The following CACNA1H variants were observed in gnomAD, a reference collection of about 807,000 sequenced individuals.
CACNA1H encodes the protein calcium voltage-gated channel subunit alpha1 H.
CACNA1H carries 149 observed loss-of-function variants against 192.5 expected under a neutral mutation model. The ratio of observed to expected loss-of-function variants is 0.77; its 90% confidence interval spans 0.68 to 0.89. The LOEUF (loss-of-function observed/expected upper bound fraction) is 0.89. Among genes scored for constraint, CACNA1H ranks in the 40% least tolerant of loss-of-function variants. CACNA1H has a pLI of 0.00. For synonymous variants in CACNA1H, 2,202 were observed against 1,475.2 expected (o/e 1.49, Z -11.29); for missense variants, 4,257 against 3,423.5 (o/e 1.24, Z -6.08).
chr16:1,199,000 A>T (rs1967363543), intron 6 of CACNA1H: 2 of 474,730 alleles, frequency 4.2e-6, no homozygotes, highest in Non-Finnish European at 7.3e-6. Context: ...GGCTCCGCCC[A>T]CGGTGCAGTC....
At chr16:1,208,362 T>C in intron 16 of CACNA1H, 141 bp downstream of exon 16, 3 of 688,320 alleles carry the variant, frequency 4.4e-6, no homozygotes, top group South Asian at 3.3e-5. Context: ...TGAGAAAGAG[T>C]GTTCTGGTTT....
intron 2 of CACNA1H, among the ~76,000 whole-genome samples, chr16:1,166,312 G>T (rs1017429219): frequency 2.6e-5 from 4 of 152,214 alleles, no homozygotes; most frequent in African/African-American, 9.6e-5. Flanking sequence ...CTGTGGCTCA[G>T]ACCCTGCTCA....
Position 1,221,663 on chromosome 16 carries a change from G to C in CACNA1H, c.*669G>C. The C allele has an allele frequency of 1.9e-6, 2 of 1,052,420 alleles. No homozygotes were observed. Among genetic ancestry groups the C allele is most frequent in the Non-Finnish European group, 2.7e-6 (2 of 742,878 alleles). 65.2% of individuals were successfully genotyped at this position (1,052,420 alleles called of 1,614,324 possible). A position where few individuals can be genotyped will look rare whatever the true frequency, so the allele number is the denominator to read the frequency against. ...TCCCATTGACACCTTTGTTTCGTGT[G>C]CTTTTAAATTCAGGTTAAATGTTGC... On this transcript the variant is annotated 3_prime_UTR_variant, in exon 35 of 35. Coordinates refer to ENST00000348261, the MANE Select transcript of CACNA1H (RefSeq NM_021098.3).
chr16:1,169,100 A>G (rs1240572804), intron 2 of CACNA1H, among the ~76,000 whole-genome samples: 3 of 143,890 alleles, frequency 2.1e-5, no homozygotes, highest in Non-Finnish European at 4.5e-5. Flanking sequence ...GGACTGTTCC[A>G]GATACCAGAA....
chr16:1,219,080 C>T lies in CACNA1H; in HGVS notation c.5998C>T (p.Pro2000Ser). 1 of 1,549,366 alleles carries T rather than the reference C, an allele frequency of 6.5e-7. No individual in the cohort carries two copies. The highest frequency in any genetic ancestry group is 8.7e-7 in the Non-Finnish European group (1 of 1,146,580). Residue 2000 changes from proline to serine, a missense_variant, in exon 34 of 35, where the codon CCT becomes TCT. Pro to Ser is a moderately conservative substitution (Grantham distance 74). Coordinates refer to ENST00000348261, the MANE Select transcript of CACNA1H (RefSeq NM_021098.3). Reference sequence around the variant, plus strand: ...CGGCGAGCCCCTCCACGCCCTGTCCCCTCGGGGCACAGCCCGCTCCCCCAG... The same window carrying T: ...CGGCGAGCCCCTCCACGCCCTGTCCTCTCGGGGCACAGCCCGCTCCCCCAG... ...RSGEPLHALS[P>S]RGTARSPSLS... is the part of the protein sequence containing the mutation.
chr16:1,182,027 G>A (rs550465277), intron 2 of CACNA1H, among the ~76,000 whole-genome samples: 4 of 152,180 alleles, frequency 2.6e-5, no homozygotes, highest in Admixed American at 6.5e-5. Context: ...GTGTGCTTCC[G>A]GCCCTCCCTG....
Position 1,220,629 on chromosome 16 carries a change from G to C in CACNA1H, c.6697G>C (p.Glu2233Gln). 2 of 1,596,678 alleles carry C rather than the reference G, an allele frequency of 1.3e-6. No individual in the cohort carries two copies. The highest frequency in any genetic ancestry group is 4.5e-5 in the East Asian group (2 of 44,548). ...GGCCACGCCTCACAGGGACTCCCTG[G>C]AGCCCACAGAGGGCTCAGGCGCCGG... Reference protein sequence around the residue: ...CEATPHRDSLEPTEGSGAGGD... With the variant: ...CEATPHRDSLQPTEGSGAGGD... The change falls in exon 35 of 35, where the codon GAG becomes CAG. Residue 2233 changes from glutamate to glutamine, a missense_variant. Coordinates refer to ENST00000348261, the MANE Select transcript of CACNA1H (RefSeq NM_021098.3).
intron 2 of CACNA1H, among the ~76,000 whole-genome samples, chr16:1,159,188 G>T (rs1052606402): frequency 6.6e-6 from 1 of 152,224 alleles, no homozygotes; most frequent in African/African-American, 2.4e-5. Context: ...GAGTGCCCGG[G>T]TGTCCGTATC....
At position 1,221,546 on chromosome 16, in the gene CACNA1H, C is replaced by T. The variant is rs151334268; in HGVS notation, c.*552C>T. ...CGTCCTGTGACTCTGGGAGAGGTGACACCTCACTAAGGGGCCGACCCCATG... is the reference window on the plus strand; with the variant it reads ...CGTCCTGTGACTCTGGGAGAGGTGATACCTCACTAAGGGGCCGACCCCATG... On this transcript the variant is annotated 3_prime_UTR_variant, in exon 35 of 35. Coordinates refer to ENST00000348261, the MANE Select transcript of CACNA1H (RefSeq NM_021098.3). 19 of 504,630 alleles carry T rather than the reference C, an allele frequency of 3.8e-5. No individual in the cohort carries two copies. Among genetic ancestry groups the T allele is most frequent in the Non-Finnish European group, 6.3e-5 (18 of 286,606 alleles). The allele number at this position is 504,630 out of a possible 1,614,324, so 31.3% of individuals were successfully genotyped here. A position where few individuals can be genotyped will look rare whatever the true frequency, so the allele number is the denominator to read the frequency against.
chr16:1,199,663 C>T (rs1281321439), intron 6 of CACNA1H, among the ~76,000 whole-genome samples: 11 of 149,854 alleles, frequency 7.3e-5, no homozygotes, highest in Non-Finnish European at 3.0e-5. Context: ...GGGGTCCCCT[C>T]AACCCTCACC....
chr16:1,162,193 G>A (rs1963273205), intron 2 of CACNA1H, among the ~76,000 whole-genome samples: 1 of 152,110 alleles, frequency 6.6e-6, no homozygotes, highest in Admixed American at 6.5e-5. Flanking sequence ...CCCTCGCCCT[G>A]GGCCTCTGGC....
rs140467909 is a variant in CACNA1H at position 1,176,937 on chromosome 16, G to C, written c.300-18035G>C. On this transcript the variant is annotated intron_variant, in intron 2 of 34. Coordinates refer to ENST00000348261, the MANE Select transcript of CACNA1H (RefSeq NM_021098.3). Reference sequence around the variant, plus strand: ...TGCTGTGAGGATGTTCCGTGGACAGGGTGGCCTGGGTTTGGCTTAGGTGGG... The same window carrying C: ...TGCTGTGAGGATGTTCCGTGGACAGCGTGGCCTGGGTTTGGCTTAGGTGGG... Among the ~76,000 whole-genome samples, 529 of 152,242 alleles carry C rather than the reference G, an allele frequency of 3.5e-3. 6 individuals are homozygous for C. Among genetic ancestry groups the C allele is most frequent in the South Asian group, 0.025 (121 of 4,826 alleles).
At chr16:1,163,783 C>T (rs1302409235) in intron 2 of CACNA1H, among the ~76,000 whole-genome samples, 3 of 152,228 alleles carry the variant, frequency 2.0e-5, no homozygotes, top group African/African-American at 7.2e-5. Flanking sequence ...GCTCTTGTGC[C>T]AGTGCTGACC....
intron 6 of CACNA1H, among the ~76,000 whole-genome samples, chr16:1,199,742 A>C (rs1967567432): frequency 1.4e-5 from 2 of 139,524 alleles, no homozygotes; most frequent in Admixed American, 7.0e-5. Flanking sequence ...CCCTGAGCCC[A>C]CACCCCGGGG....
At chr16:1,189,003 C>T (rs1282003432) in intron 2 of CACNA1H, among the ~76,000 whole-genome samples, 8 of 152,218 alleles carry the variant, frequency 5.3e-5, no homozygotes, top group Non-Finnish European at 1.5e-5. Context: ...GTCCTGAGAG[C>T]TGAGGGGCTT....
intron 30 of CACNA1H, among the ~76,000 whole-genome samples, chr16:1,215,821 C>A (rs1043618946): frequency 6.6e-6 from 1 of 151,766 alleles, no homozygotes; most frequent in Non-Finnish European, 1.5e-5. Flanking sequence ...ATAACCGGGG[C>A]CCCCTCCCCG....
In CACNA1H at chr16:1,198,613, A is replaced by G. The variant is rs778371400; in HGVS notation, c.644-2A>G. 1 of 1,612,526 alleles carries G rather than the reference A, an allele frequency of 6.2e-7. No homozygotes were observed. The highest frequency in any genetic ancestry group is 8.5e-7 in the Non-Finnish European group (1 of 1,179,578). ...TGCCAATCCTGGCCCTGCTGCCCAC[A>G]GGCATGCGGATCCTGGTCACTCTGC... On this transcript the variant is annotated splice_acceptor_variant, in intron 5 of 34. Coordinates refer to ENST00000348261, the MANE Select transcript of CACNA1H (RefSeq NM_021098.3). LOFTEE classifies it high-confidence loss of function.
At position 1,167,166 on chromosome 16, in the gene CACNA1H, C is replaced by T. The variant is rs150619635; in HGVS notation, c.299+13130C>T. Among the ~76,000 whole-genome samples the T allele has an allele frequency of 6.6e-6, 1 of 152,180 alleles. No homozygotes were observed. Among genetic ancestry groups the T allele is most frequent in the African/African-American group, 2.4e-5 (1 of 41,456 alleles). ...TCCTCGCCGACCCTTTGGGGCGTCT[C>T]CCATCGGGAAATGGCAGCCCCTGAC... is the stretch of plus-strand genomic sequence containing the variant. On this transcript the variant is annotated intron_variant, in intron 2 of 34. Transcript: ENST00000348261. The surrounding 1 kb of genome is among the most constrained non-coding windows in gnomAD (Gnocchi z 4.2).
chr16:1,211,680 C>G (rs374284606), intron 23 of CACNA1H, 36 bp from the exon 24 acceptor site: 31 of 1,612,094 alleles, frequency 1.9e-5, no homozygotes, highest in Admixed American at 1.2e-4. Context: ...GACCCCAGCT[C>G]TAACCCTCGC....
Sources: allele counts gnomAD v4.1 joint callset (sites outside exome capture counted in the v4.1 genomes callset), GRCh38; gene constraint gnomAD v4.1.1; non-coding constraint Gnocchi (gnomAD v3.1); transcripts MANE v1.5; gene names NCBI Gene and HGNC (gene_info 2026-07-23, HGNC 2026-07-21).